Variants in CYSLTR1 observed in about 807,000 individuals in gnomAD.
The protein encoded by CYSLTR1 is G-protein coupled receptor HG55.
CYSLTR1 carries 1 observed loss-of-function variant against 2.1 expected under a neutral mutation model. That is an observed-to-expected ratio of 0.48 (90% confidence interval 0.17 to 2.28). The LOEUF (loss-of-function observed/expected upper bound fraction) is 2.28. Among genes scored for constraint, CYSLTR1 ranks in the 30% most tolerant of loss-of-function variants. The probability of loss-of-function intolerance (pLI) is 0.26; values close to 1 mark genes in which losing one functional copy is unlikely to be tolerated. For missense variants in CYSLTR1, 299 were observed against 250.1 expected, an observed-to-expected ratio of 1.20 and a Z score of -1.32; for synonymous variants, 110 against 89.6, an observed-to-expected ratio of 1.23 and a Z score of -1.28.
chrX:78,326,633 C>T (rs957388543), intron 1 of CYSLTR1, among the ~76,000 whole-genome samples: 3 of 112,298 alleles, frequency 2.7e-5, no homozygotes, highest in African/African-American at 9.7e-5. Context: ...TTAGTCTACA[C>T]CAGATGTGTC....
chrX:78,299,561 C>A (rs1301152340), intron 1 of CYSLTR1, among the ~76,000 whole-genome samples: 1 of 110,235 alleles, frequency 9.1e-6, no homozygotes, highest in African/African-American at 3.3e-5. Flanking sequence ...ACCAGGTACA[C>A]TATTTTATGG....
intron 1 of CYSLTR1, among the ~76,000 whole-genome samples, chrX:78,307,472 C>T (rs1009205198): frequency 1.8e-5 from 2 of 111,840 alleles, no homozygotes; most frequent in African/African-American, 6.5e-5. Flanking sequence ...CTTTCTGATA[C>T]TTTCTCTGAT....
Position 78,273,679 on chromosome X carries a change from T to C in CYSLTR1, c.68A>G (p.Asn23Ser), listed in dbSNP as rs747128534. The C allele has an allele frequency of 1.7e-6, 2 of 1,211,183 alleles. No homozygotes were observed. The highest frequency in any genetic ancestry group is 2.2e-5 in the Admixed American group (1 of 46,011). Residue 23 changes from asparagine to serine, a missense_variant, in exon 3 of 3, where the codon AAT becomes AGT. Asn to Ser is a conservative substitution (Grantham distance 46). Coordinates refer to ENST00000373304, the MANE Select transcript of CYSLTR1 (RefSeq NM_006639.4). ...TCHDTIDDFR[N>S]QVYSTLYSMI... Reference sequence around the variant, plus strand: ...AGAGTACAAGGTGGAATACACTTGATTGCGGAAGTCATCAATAGTGTCATG... The same window carrying C: ...AGAGTACAAGGTGGAATACACTTGACTGCGGAAGTCATCAATAGTGTCATG...
rs1603410802 is a variant in CYSLTR1, at chrX:78,297,245, G to C, written c.-114-13705C>G. Among the ~76,000 whole-genome samples the C allele has an allele frequency of 4.5e-5, 5 of 111,639 alleles. No individual in the cohort carries two copies. The Admixed American group carries it at 4.7e-4, about 11-fold the overall frequency. Reference sequence around the variant, plus strand: ...GAATTCCAGGGATAAATCCCACTTGGTCAAGATGAATGATCTTTGTAATGT... The same window carrying C: ...GAATTCCAGGGATAAATCCCACTTGCTCAAGATGAATGATCTTTGTAATGT... On this transcript the variant is annotated intron_variant, in intron 1 of 2. Coordinates refer to ENST00000373304, the MANE Select transcript of CYSLTR1 (RefSeq NM_006639.4).
chrX:78,316,573 T>C (rs1290236169), intron 1 of CYSLTR1, among the ~76,000 whole-genome samples: 1 of 111,978 alleles, frequency 8.9e-6, no homozygotes, highest in Admixed American at 9.5e-5. Flanking sequence ...TTGCCAACTG[T>C]GTGGGAGGTG....
At chrX:78,316,466 G>A (rs931927715) in intron 1 of CYSLTR1, among the ~76,000 whole-genome samples, 2 of 112,078 alleles carry the variant, frequency 1.8e-5, no homozygotes, top group Admixed American at 1.9e-4. Flanking sequence ...CAGCGGGGAA[G>A]CTTATGGCCT....
At chrX:78,297,681 A>G (rs1922632427) in intron 1 of CYSLTR1, among the ~76,000 whole-genome samples, 1 of 111,577 alleles carries the variant, frequency 9.0e-6, no homozygotes, top group African/African-American at 3.2e-5. Flanking sequence ...ACTTGCTTAT[A>G]GTAGCCATTA....
intron 1 of CYSLTR1, among the ~76,000 whole-genome samples, chrX:78,285,634 C>G (rs942100281): frequency 1.8e-4 from 20 of 111,810 alleles, no homozygotes; most frequent in African/African-American, 6.5e-4. Flanking sequence ...TCTAGTTATC[C>G]ATTTCCATGG....
intron 1 of CYSLTR1, among the ~76,000 whole-genome samples, chrX:78,323,174 T>C (rs1315684791): frequency 8.9e-6 from 1 of 111,823 alleles, no homozygotes; most frequent in Non-Finnish European, 1.9e-5. Context: ...CACATACTTT[T>C]GAACTTTTTG....
rs935154227 is a variant in CYSLTR1, at chrX:78,316,802, G to A, written c.-115+10503C>T. 6.3e-5 allele frequency among the ~76,000 whole-genome samples: 7 copies of A among 111,938 alleles called. No homozygotes were observed. The South Asian group carries it at 2.2e-3, about 36-fold the overall frequency. ...AGCCACACGTAGAAGAATGAAACTG[G>A]ATCCTTGTCTTTCACTTTACACAAA... is the stretch of plus-strand genomic sequence containing the variant. On this transcript the variant is annotated intron_variant, in intron 1 of 2. Transcript: ENST00000373304.
intron 2 of CYSLTR1, among the ~76,000 whole-genome samples, chrX:78,278,040 T>C (rs139653238): frequency 1.5e-3 from 170 of 112,094 alleles, no homozygotes; most frequent in African/African-American, 5.3e-3. Context: ...AATAAAATGA[T>C]ACAAGAGTTA....
At chrX:78,285,250 C>T (rs1465502900) in intron 1 of CYSLTR1, among the ~76,000 whole-genome samples, 1 of 109,331 alleles carries the variant, frequency 9.1e-6, no homozygotes, top group African/African-American at 3.3e-5. Context: ...GAAACCCCGT[C>T]TCTACTGAAA....
At chrX:78,294,134 C>T (rs769504884) in intron 1 of CYSLTR1, among the ~76,000 whole-genome samples, 29 of 112,048 alleles carry the variant, frequency 2.6e-4, no homozygotes, top group African/African-American at 9.1e-4. Context: ...TGACTTTGGT[C>T]TTTGATGATG....
At chrX:78,296,738 T>C (rs1922591118) in intron 1 of CYSLTR1, among the ~76,000 whole-genome samples, 1 of 112,050 alleles carries the variant, frequency 8.9e-6, no homozygotes, top group Non-Finnish European at 1.9e-5. Context: ...GTATGTTGAT[T>C]TTGTATCCTG....
intron 1 of CYSLTR1, among the ~76,000 whole-genome samples, chrX:78,295,229 AGTACTCCATT>A (rs1207927954): frequency 8.9e-6 from 1 of 111,900 alleles, no homozygotes. Flanking sequence ...ATGCCTGAAT[AGTACTCCATT>A]GTGTATATGT....
At chrX:78,287,583 A>C (rs1481720874) in intron 1 of CYSLTR1, among the ~76,000 whole-genome samples, 3 of 112,093 alleles carry the variant, frequency 2.7e-5, no homozygotes, top group African/African-American at 6.5e-5. Flanking sequence ...AAAACGCTGG[A>C]GTTTTTGCTA....
intron 2 of CYSLTR1, among the ~76,000 whole-genome samples, chrX:78,276,490 G>T (rs1432696032): frequency 1.8e-5 from 2 of 110,752 alleles, no homozygotes; most frequent in African/African-American, 6.6e-5. Context: ...TAGGGATACA[G>T]AAACAGATAG....
chrX:78,314,382 G>T (rs1179616891), intron 1 of CYSLTR1, among the ~76,000 whole-genome samples: 1 of 111,374 alleles, frequency 9.0e-6, no homozygotes. Context: ...AGAATGGAAG[G>T]CTCCACCAAT....
At chrX:78,275,622 C>A (rs766952307) in intron 2 of CYSLTR1, among the ~76,000 whole-genome samples, 48 of 109,209 alleles carry the variant, frequency 4.4e-4, no homozygotes, top group Non-Finnish European at 7.5e-4. Flanking sequence ...AGGAGATACA[C>A]CTAAGGTAAA....
Sources: gnomAD v4.1 joint callset for allele counts (sites outside exome capture counted in the v4.1 genomes callset) on GRCh38, gnomAD v4.1.1 for gene constraint, MANE v1.5 for transcripts, NCBI Gene and HGNC (gene_info 2026-07-23, HGNC 2026-07-21) for gene names.